B4GALT1: variants seen among roughly 807,000 people sequenced by gnomAD.
B4GALT1 encodes the protein beta-1,4-galactosyltransferase 1, also known as N-acetyllactosamine synthase.
A neutral mutation model predicts 34.9 loss-of-function variants in B4GALT1; 16 were observed. The ratio of observed to expected loss-of-function variants is 0.46; its 90% confidence interval spans 0.31 to 0.70. B4GALT1 has a LOEUF of 0.70. Ranked by LOEUF, B4GALT1 falls within the 30% of genes least tolerant of loss-of-function variation. The probability of loss-of-function intolerance (pLI) is 0.05; values close to 1 mark genes in which losing one functional copy is unlikely to be tolerated. For missense variants in B4GALT1, 445 were observed against 530.5 expected (o/e 0.84, Z 1.58); for synonymous variants, 221 against 218.1 (o/e 1.01, Z -0.12).
rs142721631 is a variant in B4GALT1 at position 33,124,686 on chromosome 9, G to A, written c.649-4080C>T. ...ATGTTGGCTACTATCATTACAGGAA[G>A]AGGCTTTCCCATCCATCTTGAACAG... On this transcript the variant is annotated intron_variant, in intron 2 of 5. Transcript: ENST00000379731. Among the ~76,000 whole-genome samples the A allele has an allele frequency of 3.3e-5, 5 of 152,324 alleles. No individual in the cohort carries two copies. The East Asian group carries it at 9.6e-4, about 29-fold the overall frequency.
chr9:33,145,114 A>G (rs1413887158), intron 1 of B4GALT1, among the ~76,000 whole-genome samples: 1 of 152,154 alleles, frequency 6.6e-6, no homozygotes, highest in African/African-American at 2.4e-5. Context: ...TCATCCATTC[A>G]TCTGTGCTCA....
At chr9:33,142,372 C>T (rs902236233) in intron 1 of B4GALT1, among the ~76,000 whole-genome samples, 2 of 152,114 alleles carry the variant, frequency 1.3e-5, no homozygotes, top group African/African-American at 4.8e-5. Flanking sequence ...TAAAATATGA[C>T]CCACAGATGG....
intron 2 of B4GALT1, among the ~76,000 whole-genome samples, chr9:33,128,055 G>A (rs568332652): frequency 6.6e-6 from 1 of 152,306 alleles, no homozygotes; most frequent in African/African-American, 2.4e-5. Flanking sequence ...GGTGGCAGCG[G>A]TGGTGGCAGC....
chr9:33,162,048 C>A (rs1418706309), intron 1 of B4GALT1, among the ~76,000 whole-genome samples: 1 of 152,184 alleles, frequency 6.6e-6, no homozygotes, highest in Non-Finnish European at 1.5e-5. Context: ...CCCATAATTC[C>A]CAACCCATAA....
At chr9:33,166,026 C>T (rs1261208531) in intron 1 of B4GALT1, among the ~76,000 whole-genome samples, 1 of 152,156 alleles carries the variant, frequency 6.6e-6, no homozygotes, top group South Asian at 2.1e-4. Flanking sequence ...TGGGAGAGAT[C>T]CCTGCTCACC....
chr9:33,129,578 T>C (rs558127660), intron 2 of B4GALT1, among the ~76,000 whole-genome samples: 2 of 152,230 alleles, frequency 1.3e-5, no homozygotes, highest in Admixed American at 1.3e-4. Flanking sequence ...TGACTGCGTC[T>C]GTACTGACTA....
chr9:33,139,539 G>A (rs538896021), intron 1 of B4GALT1, among the ~76,000 whole-genome samples: 2 of 152,274 alleles, frequency 1.3e-5, no homozygotes, highest in South Asian at 2.1e-4. Flanking sequence ...CAGACCTGGC[G>A]TTGAATGACT....
At chr9:33,114,997 G>A (rs1246177944) in intron 4 of B4GALT1, among the ~76,000 whole-genome samples, 1 of 152,190 alleles carries the variant, frequency 6.6e-6, no homozygotes, top group African/African-American at 2.4e-5. Flanking sequence ...CTGCCCAGGA[G>A]TGCCTCTGTG....
At chr9:33,107,403 T>C (rs1157857023), downstream of B4GALT1, among the ~76,000 whole-genome samples, 1 of 152,154 alleles carries the variant, frequency 6.6e-6, no homozygotes, top group East Asian at 1.9e-4. Context: ...GTGGTCAATG[T>C]GATCATCCTC....
At chr9:33,182,590 G>A in the B4GALT1 span, among the ~76,000 whole-genome samples, 1 of 152,034 alleles carries the variant, frequency 6.6e-6, no homozygotes, top group Non-Finnish European at 1.5e-5. Flanking sequence ...AAGCTGATTT[G>A]AAGTAACAGA....
intron 1 of B4GALT1, among the ~76,000 whole-genome samples, chr9:33,139,024 A>G (rs371117233): frequency 6.6e-6 from 1 of 152,196 alleles, no homozygotes; most frequent in East Asian, 1.9e-4. Context: ...TGTCCACAGC[A>G]TGCTGACAAC....
the B4GALT1 span, among the ~76,000 whole-genome samples, chr9:33,176,137 A>G: frequency 1.6e-4 from 24 of 152,098 alleles, no homozygotes; most frequent in Admixed American, 1.6e-3. Flanking sequence ...CTACCCTTGG[A>G]TGGAGCTCTT....
At chr9:33,174,979 AAAAAAAAAAAAATATATAT>A in the B4GALT1 span, among the ~76,000 whole-genome samples, 22 of 43,294 alleles carry the variant, frequency 5.1e-4, no homozygotes, top group South Asian at 3.5e-3. Flanking sequence ...AAAAAAAAAA[AAAAAAAAAAAAATATATAT>A]ATATATATAT....
At chr9:33,133,593 C>T (rs1170446272) in intron 2 of B4GALT1, among the ~76,000 whole-genome samples, 1 of 152,180 alleles carries the variant, frequency 6.6e-6, no homozygotes, top group African/African-American at 2.4e-5. Context: ...GGACATTTAC[C>T]TGTTCTCTCT....
chr9:33,113,837 A>C lies in B4GALT1; in HGVS notation c.1001T>G (p.Val334Gly). 1 of 1,614,214 alleles carries C rather than the reference A, an allele frequency of 6.2e-7. No homozygotes were observed. The highest frequency in any genetic ancestry group is 8.5e-7 in the Non-Finnish European group (1 of 1,180,046). The stretch of plus-strand genomic sequence containing the variant: ...GCGGATCATGCGACACCTCCCGACC[A>C]CAGCATTTGGGCGAGATATAGACAT... ...RGMSISRPNA[V>G]VGRCRMIRHS... Residue 334 changes from valine (V) to glycine (G), a missense_variant, in exon 5 of 6, where the codon GTG (valine) becomes GGG (glycine). Physicochemically the swap from Val to Gly is moderately radical, Grantham distance 109. Around this residue, in one of 3 missense-constraint regions of B4GALT1, gnomAD observed 89 missense variants for 107.6 expected, o/e 0.83. Coordinates refer to ENST00000379731, the MANE Select transcript of B4GALT1 (RefSeq NM_001497.4).
chr9:33,142,998 A>G (rs1336979354), intron 1 of B4GALT1, among the ~76,000 whole-genome samples: 1 of 152,158 alleles, frequency 6.6e-6, no homozygotes, highest in African/African-American at 2.4e-5. Context: ...TACAAAAATT[A>G]GCTGGGCGTG....
chr9:33,114,145 G>C (rs1272182320), intron 4 of B4GALT1, among the ~76,000 whole-genome samples: 2 of 152,248 alleles, frequency 1.3e-5, no homozygotes, highest in Non-Finnish European at 2.9e-5. Flanking sequence ...AGAATATACA[G>C]TGTGAATGCT....
At chr9:33,158,664 C>A (rs1023545007) in intron 1 of B4GALT1, among the ~76,000 whole-genome samples, 12 of 152,192 alleles carry the variant, frequency 7.9e-5, no homozygotes, top group Admixed American at 1.3e-4. Flanking sequence ...CTAAAATCAA[C>A]GTCTGGAAGA....
At chr9:33,173,766 C>T in the B4GALT1 span, among the ~76,000 whole-genome samples, 1 of 151,944 alleles carries the variant, frequency 6.6e-6, no homozygotes, top group Admixed American at 6.6e-5. Context: ...CAGGGACTGG[C>T]TAGGAATATT....
Sources: gnomAD v4.1 joint callset for allele counts (sites outside exome capture counted in the v4.1 genomes callset) on GRCh38, gnomAD v4.1.1 for gene constraint, gnomAD v4.1.1 regional missense constraint, MANE v1.5 for transcripts, NCBI Gene and HGNC (gene_info 2026-07-23, HGNC 2026-07-21) for gene names.